SPIDR: variants seen among roughly 807,000 people sequenced by gnomAD.
The protein encoded by SPIDR is scaffold protein involved in DNA repair.
SPIDR carries 93 observed loss-of-function variants against 104.6 expected under a neutral mutation model. The ratio of observed to expected loss-of-function variants is 0.89; its 90% CI spans 0.75 to 1.06. The LOEUF (loss-of-function observed/expected upper bound fraction) is 1.06, where lower values mean the gene tolerates loss of function less well. SPIDR is among the 50% of genes least tolerant of loss of function. The probability of loss-of-function intolerance (pLI) is 0.00; values close to 1 mark genes in which losing one functional copy is unlikely to be tolerated. For synonymous variants in SPIDR, 431 were observed against 416.9 expected (o/e 1.03, Z -0.41); for missense variants, 1,154 against 1,111.2 (o/e 1.04, Z -0.55).
At chr8:47,496,808 C>CTATGTTTG (rs2079531802) in intron 8 of SPIDR, among the ~76,000 whole-genome samples, 4 of 123,698 alleles carry the variant, frequency 3.2e-5, no homozygotes, top group Admixed American at 3.1e-4. Flanking sequence ...CTATCTGGGC[C>CTATGTTTG]TATGTTTGTT....
intron 8 of SPIDR, among the ~76,000 whole-genome samples, chr8:47,493,965 A>G (rs776452439): frequency 2.0e-5 from 3 of 152,036 alleles, no homozygotes; most frequent in Non-Finnish European, 4.4e-5. Context: ...GGGAGAGCAA[A>G]TTATGGAAGG....
chr8:47,498,262 C>T (rs190860783), intron 8 of SPIDR, among the ~76,000 whole-genome samples: 45 of 152,226 alleles, frequency 3.0e-4, no homozygotes, highest in African/African-American at 1.1e-3. Flanking sequence ...CTAAAAGTTC[C>T]TTTGCATCAT....
chr8:47,281,673 C>G (rs1345758632), intron 2 of SPIDR, among the ~76,000 whole-genome samples: 1 of 152,198 alleles, frequency 6.6e-6, no homozygotes, highest in Non-Finnish European at 1.5e-5. Context: ...CTTGCTGTTT[C>G]TATCACATCA....
chr8:47,317,727 C>T (rs1272122359), intron 5 of SPIDR, among the ~76,000 whole-genome samples: 4 of 152,046 alleles, frequency 2.6e-5, no homozygotes, highest in Admixed American at 6.6e-5. Flanking sequence ...CTCACATGGC[C>T]GGGTACTCCT....
At chr8:47,731,817 G>T (rs2085293205) in intron 19 of SPIDR, among the ~76,000 whole-genome samples, 1 of 152,224 alleles carries the variant, frequency 6.6e-6, no homozygotes, top group Non-Finnish European at 1.5e-5. Context: ...CAGCTGACCA[G>T]GTAGAAGTTT....
chr8:47,675,123 G>A (rs1194914684), intron 11 of SPIDR, among the ~76,000 whole-genome samples: 2 of 152,240 alleles, frequency 1.3e-5, no homozygotes, highest in East Asian at 3.9e-4. Flanking sequence ...TGCAACCTCT[G>A]CCTCCCAGAT....
intron 8 of SPIDR, among the ~76,000 whole-genome samples, chr8:47,501,799 T>C (rs1057033065): frequency 6.6e-6 from 1 of 152,176 alleles, no homozygotes; most frequent in African/African-American, 2.4e-5. Flanking sequence ...ATAGCTCTTA[T>C]TATTTTGAGA....
intron 5 of SPIDR, among the ~76,000 whole-genome samples, chr8:47,355,887 C>T (rs1563724440): frequency 1.3e-5 from 2 of 152,190 alleles, no homozygotes; most frequent in East Asian, 1.9e-4. Flanking sequence ...CCTCCCACTT[C>T]CCCGTGGTGG....
intron 10 of SPIDR, among the ~76,000 whole-genome samples, chr8:47,644,213 G>T (rs1301237740): frequency 1.3e-5 from 2 of 152,314 alleles, no homozygotes; most frequent in East Asian, 3.9e-4. Context: ...CCTGGAGATT[G>T]CAGGCTCCAC....
chr8:47,482,468 G>A (rs1317725117), intron 8 of SPIDR, among the ~76,000 whole-genome samples: 1 of 152,136 alleles, frequency 6.6e-6, no homozygotes, highest in African/African-American at 2.4e-5. Context: ...TCTCCTAGAT[G>A]AGACCATCTC....
intron 14 of SPIDR, among the ~76,000 whole-genome samples, chr8:47,703,866 G>A (rs577433076): frequency 6.6e-5 from 10 of 152,254 alleles, no homozygotes; most frequent in South Asian, 4.1e-4. Context: ...TGCACAGTGC[G>A]GTGTGTGTCA....
intron 10 of SPIDR, among the ~76,000 whole-genome samples, chr8:47,662,175 G>T (rs1322853195): frequency 2.0e-5 from 3 of 152,176 alleles, no homozygotes. Flanking sequence ...TTTCTCGAAT[G>T]CCTTCTCACA....
chr8:47,342,358 A>G (rs1423552065), intron 5 of SPIDR, among the ~76,000 whole-genome samples: 20 of 85,718 alleles, frequency 2.3e-4, no homozygotes, highest in African/African-American at 9.2e-4. Flanking sequence ...TTTTTTTGAG[A>G]TGGAGTCTTG....
intron 18 of SPIDR, 173 bp downstream of exon 18, chr8:47,729,220 G>A: frequency 2.0e-6 from 3 of 1,476,332 alleles, no homozygotes; most frequent in Non-Finnish European, 2.7e-6. Context: ...CCCTAGGAAA[G>A]GTGGGAGGAT....
intron 8 of SPIDR, among the ~76,000 whole-genome samples, chr8:47,485,062 G>A (rs1396835835): frequency 5.3e-5 from 8 of 152,222 alleles, no homozygotes; most frequent in Middle Eastern, 3.2e-3. Flanking sequence ...GGCCTCACCC[G>A]GGAAGTGCAA....
intron 8 of SPIDR, among the ~76,000 whole-genome samples, chr8:47,571,120 CAG>C (rs1298428428): frequency 6.6e-6 from 1 of 151,570 alleles, no homozygotes; most frequent in Non-Finnish European, 1.5e-5. Context: ...CTCGTAGAAA[CAG>C]AGTAGAAGGG....
intron 8 of SPIDR, among the ~76,000 whole-genome samples, chr8:47,488,055 A>G (rs985347030): frequency 4.6e-5 from 7 of 152,230 alleles, no homozygotes; most frequent in South Asian, 2.1e-4. Flanking sequence ...CAAAAAATCA[A>G]TGAATCCACG....
chr8:47,707,377 G>A (rs2081247255), intron 14 of SPIDR, among the ~76,000 whole-genome samples: 1 of 151,878 alleles, frequency 6.6e-6, no homozygotes, highest in East Asian at 1.9e-4. Context: ...CCATCCATAT[G>A]TCCTCTTTGG....
chr8:47,361,187 G>A (rs890927436), intron 5 of SPIDR, among the ~76,000 whole-genome samples: 1 of 152,170 alleles, frequency 6.6e-6, no homozygotes, highest in Admixed American at 6.5e-5. Flanking sequence ...AGAACTTGTG[G>A]TGATGTTCAT....
Sources: gnomAD v4.1 joint callset for allele counts (sites outside exome capture counted in the v4.1 genomes callset) on GRCh38, gnomAD v4.1.1 for gene constraint, MANE v1.5 for transcripts, NCBI Gene and HGNC (gene_info 2026-07-23, HGNC 2026-07-21) for gene names.